The following F2R variants were observed in gnomAD, a reference collection of about 807,000 sequenced individuals.
The protein encoded by F2R is proteinase-activated receptor 1.
Under a neutral mutation model 18.3 loss-of-function variants are expected in F2R, and 12 were observed. The ratio of observed to expected loss-of-function variants is 0.66; its 90% confidence interval spans 0.42 to 1.06. The LOEUF (loss-of-function observed/expected upper bound fraction) is 1.06. Among genes scored for constraint, F2R ranks in the 50% least tolerant of loss-of-function variants. The probability of loss-of-function intolerance (pLI) is 0.00; values close to 1 mark genes in which losing one functional copy is unlikely to be tolerated. For synonymous variants in F2R, 210 were observed against 219.9 expected, an observed-to-expected ratio of 0.95 and a Z score of 0.40; for missense variants, 438 against 530.8, an observed-to-expected ratio of 0.83 and a Z score of 1.72.
chr5:76,728,171 A>C (rs185350842), intron 1 of F2R, among the ~76,000 whole-genome samples: 4 of 152,278 alleles, frequency 2.6e-5, no homozygotes, highest in Admixed American at 2.6e-4. Flanking sequence ...GTATTACCTC[A>C]AATACTTATC....
At chr5:76,718,896 C>G (rs1256929577) in intron 1 of F2R, among the ~76,000 whole-genome samples, 1 of 152,166 alleles carries the variant, frequency 6.6e-6, no homozygotes, top group Admixed American at 6.5e-5. Context: ...TACCCTCCTA[C>G]TCACAGAGTC....
intron 1 of F2R, among the ~76,000 whole-genome samples, chr5:76,720,429 C>A (rs58917246): frequency 0.018 from 2,681 of 151,894 alleles, 61 homozygotes; most frequent in African/African-American, 0.053. Context: ...GTGGGAGAGA[C>A]GCTGTCTTCA....
chr5:76,728,487 C>T (rs1748611166), intron 1 of F2R, among the ~76,000 whole-genome samples: 1 of 152,108 alleles, frequency 6.6e-6, no homozygotes, highest in African/African-American at 2.4e-5. Context: ...TAACATTATG[C>T]CCTCTCGGCT....
In F2R at chr5:76,716,191, C is replaced by A; in HGVS notation, c.-117C>A. 1 of 767,420 alleles carries A rather than the reference C, an allele frequency of 1.3e-6. No individual in the cohort carries two copies. The highest frequency in any genetic ancestry group is 1.8e-6 in the Non-Finnish European group (1 of 544,262). 47.5% of individuals were successfully genotyped at this position (767,420 alleles called of 1,614,324 possible). A position where few individuals can be genotyped will look rare whatever the true frequency, so the allele number is the denominator to read the frequency against. On this transcript the variant is annotated 5_prime_UTR_variant, in exon 1 of 2. Transcript: ENST00000319211. ...CCTGATCTTACCCGTGGGCACCCTG[C>A]GCTCTGCCTGCCGCGAAGACCGGCT...
intron 1 of F2R, among the ~76,000 whole-genome samples, chr5:76,724,148 GTC>G (rs1748516056): frequency 6.6e-6 from 1 of 152,040 alleles, no homozygotes; most frequent in Non-Finnish European, 1.5e-5. Flanking sequence ...CTCATCCACA[GTC>G]TCAACCTCCT....
intron 1 of F2R, chr5:76,716,771 C>T (rs752172036): frequency 2.0e-5 from 11 of 563,568 alleles, no homozygotes; most frequent in Non-Finnish European, 3.5e-5. Context: ...ATAAACGTTT[C>T]GATCTTTAAA....
At chr5:76,722,331 T>C (rs1277403532) in intron 1 of F2R, among the ~76,000 whole-genome samples, 2 of 152,136 alleles carry the variant, frequency 1.3e-5, no homozygotes, top group Admixed American at 6.5e-5. Context: ...GACCTGTAAC[T>C]TTTCTTGGAG....
chr5:76,733,518 G>A lies in F2R; in HGVS notation c.*15G>A. The A allele has an allele frequency of 6.4e-7, 1 of 1,572,808 alleles. No individual in the cohort carries two copies. Among genetic ancestry groups the A allele is most frequent in the Non-Finnish European group, 8.6e-7 (1 of 1,162,170 alleles). On this transcript the variant is annotated 3_prime_UTR_variant, in exon 2 of 2. Coordinates refer to ENST00000319211, the MANE Select transcript of F2R (RefSeq NM_001992.5). ...TGTTAACTTAGGAAAAGGGACTGCT[G>A]GGAGGTTAAAAAGAAAAGTTTATAA...
At position 76,732,581 on chromosome 5, in the gene F2R, T is replaced by C; in HGVS notation, c.356T>C (p.Leu119Pro). 1 of 1,614,186 alleles carries C rather than the reference T, an allele frequency of 6.2e-7. No homozygotes were observed. The highest frequency in any genetic ancestry group is 1.3e-5 in the African/African-American group (1 of 75,040). ...YTGVFVVSLP[L>P]NIMAIVVFIL... ...GGAGTGTTTGTAGTCAGCCTCCCAC[T>C]AAACATCATGGCCATCGTTGTGTTC... Residue 119 changes from leucine (L) to proline (P), a missense_variant, in exon 2 of 2, where the codon CTA (leucine) becomes CCA (proline). Transcript: ENST00000319211.
intron 1 of F2R, among the ~76,000 whole-genome samples, chr5:76,728,543 T>C (rs1360326098): frequency 1.6e-4 from 25 of 152,216 alleles, no homozygotes; most frequent in Non-Finnish European, 1.5e-5. Context: ...TTTTTAAGGC[T>C]GAATAGTATT....
rs375693604 is a variant in F2R, at chr5:76,732,718, G to A, written c.493G>A (p.Gly165Ser). The change falls in exon 2 of 2, where the codon GGC becomes AGC. Residue 165 changes from glycine to serine, a missense_variant. Physicochemically the swap from Gly to Ser is moderately conservative, Grantham distance 56 (BLOSUM62 0). Coordinates refer to ENST00000319211, the MANE Select transcript of F2R (RefSeq NM_001992.5). ...LPFKISYYFS[G>S]SDWQFGSELC... ...CTTTAAGATCAGCTATTACTTTTCC[G>A]GCAGTGATTGGCAGTTTGGGTCTGA... is the stretch of plus-strand genomic sequence containing the variant. 30 of 1,614,040 alleles carry A rather than the reference G, an allele frequency of 1.9e-5. No homozygotes were observed. In the African/African-American group the frequency reaches 3.1e-4, roughly 17 times the overall value.
chr5:76,719,063 G>A (rs942567435), intron 1 of F2R, among the ~76,000 whole-genome samples: 18 of 152,010 alleles, frequency 1.2e-4, no homozygotes, highest in Admixed American at 7.9e-4. Context: ...GCTTCTGTCC[G>A]CATGCCACTC....
chr5:76,716,580 C>A, intron 1 of F2R, 185 bp downstream of exon 1: 1 of 686,428 alleles, frequency 1.5e-6, no homozygotes, highest in Non-Finnish European at 2.5e-6. Flanking sequence ...CCTTCGCGGG[C>A]CCAGCCGATG....
At chr5:76,716,455 G>A in intron 1 of F2R, 60 bp downstream of exon 1, 4 of 1,304,852 alleles carry the variant, frequency 3.1e-6, no homozygotes, top group Non-Finnish European at 3.0e-6. Context: ...AGACTGCGGG[G>A]GTCACTGTTG....
rs756097745 is a variant in F2R, at chr5:76,732,636, G to T, written c.411G>T (p.Ala137=). The T allele has an allele frequency of 3.7e-6, 6 of 1,614,180 alleles. No individual in the cohort carries two copies. The highest frequency in any genetic ancestry group is 5.1e-6 in the Non-Finnish European group (6 of 1,180,038). ...TGAAAATGAAGGTCAAGAAGCCGGC[G>T]GTGGTGTACATGCTGCACCTGGCCA... ...FILKMKVKKP[A]VVYMLHLATA... is the part of the protein sequence containing the mutation. The change falls in exon 2 of 2, where the codon GCG becomes GCT. Residue 137 remains alanine, a synonymous_variant. Transcript: ENST00000319211.
chr5:76,723,792 T>C (rs1328136231), intron 1 of F2R, among the ~76,000 whole-genome samples: 1 of 152,194 alleles, frequency 6.6e-6, no homozygotes. Context: ...ACTTTTATTA[T>C]GGGATTTTTC....
chr5:76,718,769 A>G (rs1748388149), intron 1 of F2R, among the ~76,000 whole-genome samples: 1 of 152,218 alleles, frequency 6.6e-6, no homozygotes, highest in African/African-American at 2.4e-5. Context: ...AAAAGGGCCA[A>G]CATCCAAGAG....
In F2R at chr5:76,734,863, CTATT is replaced by C. The variant is rs1235708185; in HGVS notation, c.*1367_*1370del. ...AAAATAAGTCTGATTTAATTGGGCA[CTATT>C]TATTTACAAATGTTTTGCTCAATAG... On this transcript the variant is annotated 3_prime_UTR_variant, in exon 2 of 2. Transcript: ENST00000319211. The C allele has an allele frequency of 4.6e-5, 7 of 152,308 alleles. No homozygotes were observed. Among genetic ancestry groups the C allele is most frequent in the African/African-American group, 1.7e-4 (7 of 41,444 alleles). The allele number at this position is 152,308 out of a possible 1,614,324, so 9.4% of individuals were successfully genotyped here. A position where few individuals can be genotyped will look rare whatever the true frequency, so the allele number is the denominator to read the frequency against.
intron 1 of F2R, among the ~76,000 whole-genome samples, chr5:76,727,859 A>G (rs1306447598): frequency 7.1e-6 from 1 of 141,248 alleles, no homozygotes; most frequent in African/African-American, 2.6e-5. Context: ...GTTTCCGCTC[A>G]CTGTCTTTTT....
Sources: allele counts gnomAD v4.1 joint callset (sites outside exome capture counted in the v4.1 genomes callset), GRCh38; gene constraint gnomAD v4.1.1; transcripts MANE v1.5; gene names NCBI Gene and HGNC (gene_info 2026-07-23, HGNC 2026-07-21).